The following RNF6 variants were observed in gnomAD, a reference collection of about 807,000 sequenced individuals.
RNF6 encodes the protein ring finger protein 6.
RNF6 carries 21 observed loss-of-function variants against 50.1 expected under a neutral mutation model. The observed-to-expected ratio is 0.42, with a 90% CI of 0.30 to 0.60. The LOEUF is 0.60. Ranked by LOEUF, RNF6 falls within the 20% of genes least tolerant of loss-of-function variation. RNF6 has a pLI of 0.20. For missense variants in RNF6, 698 were observed against 838.2 expected, an observed-to-expected ratio of 0.83 and a Z score of 2.07; for synonymous variants, 255 against 291.8, an observed-to-expected ratio of 0.87 and a Z score of 1.29.
At chr13:26,152,391 T>A (rs1307468058) in intron 5 of RNF6, among the ~76,000 whole-genome samples, 2 of 152,218 alleles carry the variant, frequency 1.3e-5, no homozygotes, top group African/African-American at 4.8e-5. Flanking sequence ...TTTCTCCTTC[T>A]GTAATGCTTG....
chr13:26,188,623 C>CTGTTTTTT (rs1873665823), intron 5 of RNF6, among the ~76,000 whole-genome samples: 1 of 43,258 alleles, frequency 2.3e-5, no homozygotes, highest in African/African-American at 1.1e-4. Context: ...GTCAAAAGAG[C>CTGTTTTTT]TTTTTTTTTT....
chr13:26,215,679 G>T, intron 4 of RNF6, 87 bp from the exon 5 acceptor site: 1 of 1,162,342 alleles, frequency 8.6e-7, no homozygotes, highest in Non-Finnish European at 1.2e-6. Flanking sequence ...AACAAAGTTT[G>T]TAATAAATTA....
At chr13:26,142,063 G>A (rs1216824830) in intron 5 of RNF6, among the ~76,000 whole-genome samples, 1 of 152,006 alleles carries the variant, frequency 6.6e-6, no homozygotes, top group Non-Finnish European at 1.5e-5. Context: ...TAAAACGTGG[G>A]CTAAGAACAT....
intron 5 of RNF6, among the ~76,000 whole-genome samples, chr13:26,196,170 A>T (rs1868650824): frequency 1.3e-5 from 2 of 152,224 alleles, no homozygotes. Context: ...AGAAAACTGA[A>T]GATAAAATCT....
rs1308630123 is a variant in RNF6 at position 26,214,621 on chromosome 13, T to C, written c.1261A>G (p.Thr421Ala). ...TCTGCTAGCCCTACTCTGGATCGAG[T>C]TCTATTTGCAATACTATCCCGATCT... ...NRDRDSIANR[T>A]RSRVGLAENT... The change falls in exon 5 of 5, where the codon ACT becomes GCT. Residue 421 changes from threonine to alanine, a missense_variant. Thr to Ala is a moderately conservative substitution (Grantham distance 58, BLOSUM62 0). Transcript: ENST00000381588. The C allele has an allele frequency of 1.2e-6, 2 of 1,614,156 alleles. No individual in the cohort carries two copies. The highest frequency in any genetic ancestry group is 1.7e-6 in the Non-Finnish European group (2 of 1,180,028).
chr13:26,178,272 A>G (rs912329715), intron 5 of RNF6, among the ~76,000 whole-genome samples: 7 of 152,210 alleles, frequency 4.6e-5, no homozygotes, highest in Non-Finnish European at 8.8e-5. Flanking sequence ...AAGGCTAAGA[A>G]GCCCATCAAG....
At chr13:26,206,159 C>A (rs955185203) in intron 5 of RNF6, among the ~76,000 whole-genome samples, 8 of 152,316 alleles carry the variant, frequency 5.3e-5, no homozygotes, top group Admixed American at 4.6e-4. Context: ...AGCCCTTTGA[C>A]TGGGGAACCC....
chr13:26,210,872 C>T (rs1355456455), downstream of RNF6, among the ~76,000 whole-genome samples: 3 of 151,990 alleles, frequency 2.0e-5, no homozygotes. Context: ...CTGGCTGAAA[C>T]TAAAAAAATC....
At chr13:26,176,105 C>T (rs534239477) in intron 5 of RNF6, among the ~76,000 whole-genome samples, 9 of 152,170 alleles carry the variant, frequency 5.9e-5, no homozygotes, top group South Asian at 4.2e-4. Context: ...TTGTCTAAGG[C>T]GTGAGGCCTG....
In RNF6 at chr13:26,216,942, A is replaced by G. The variant is rs371611031; in HGVS notation, c.290-1350T>C. Reference sequence around the variant, plus strand: ...TGTACTACAGCCTGGGTGACAGAACAGGACTCTGTCTCAAAAAATAAATAA... The same window carrying G: ...TGTACTACAGCCTGGGTGACAGAACGGGACTCTGTCTCAAAAAATAAATAA... On this transcript the variant is annotated intron_variant, in intron 4 of 4. Transcript: ENST00000381588. 2.0e-5 allele frequency among the ~76,000 whole-genome samples: 3 copies of G among 152,326 alleles called. No homozygotes were observed. In the East Asian group the frequency reaches 5.8e-4, roughly 29 times the overall value.
intron 5 of RNF6, among the ~76,000 whole-genome samples, chr13:26,172,836 C>T (rs1872767452): frequency 6.6e-6 from 1 of 152,068 alleles, no homozygotes; most frequent in South Asian, 2.1e-4. Flanking sequence ...AGCCACCGCA[C>T]CCGGCCTAGA....
chr13:26,221,230 T>C lies in RNF6; in HGVS notation c.-19+18A>G, dbSNP rs538430710. 8 of 152,232 alleles carry C rather than the reference T, an allele frequency of 5.3e-5. No individual in the cohort carries two copies. Among genetic ancestry groups the C allele is most frequent in the Admixed American group, 4.6e-4 (7 of 15,286 alleles). The allele number at this position is 152,232 out of a possible 1,614,324, so 9.4% of individuals were successfully genotyped here. ...AATTTTCTTATACAGTTAATCACAA[T>C]GAAAACAAAGCGAATACCTTATTTT... is the stretch of plus-strand genomic sequence containing the variant. On this transcript the variant is annotated intron_variant, in intron 2 of 4. Transcript: ENST00000381588.
intron 5 of RNF6, among the ~76,000 whole-genome samples, chr13:26,139,104 C>T (rs576758995): frequency 2.7e-4 from 41 of 152,224 alleles, no homozygotes; most frequent in African/African-American, 9.4e-4. Flanking sequence ...CAGGGCTAGC[C>T]AATGCTTACA....
At chr13:26,138,864 A>G (rs1870785007) in intron 5 of RNF6, among the ~76,000 whole-genome samples, 1 of 152,182 alleles carries the variant, frequency 6.6e-6, no homozygotes, top group Non-Finnish European at 1.5e-5. Context: ...TCATTTTTCT[A>G]ATCTTGTGCC....
chr13:26,212,506 G>C (rs1002021235), downstream of RNF6, among the ~76,000 whole-genome samples: 5 of 152,084 alleles, frequency 3.3e-5, no homozygotes, highest in Non-Finnish European at 5.9e-5. Flanking sequence ...CCTAAGTACT[G>C]TTCTTGTGAT....
Position 26,214,584 on chromosome 13 carries a change from G to C in RNF6, c.1298C>G (p.Thr433Ser). 1 of 1,614,200 alleles carries C rather than the reference G, an allele frequency of 6.2e-7. No homozygotes were observed. The highest frequency in any genetic ancestry group is 8.5e-7 in the Non-Finnish European group (1 of 1,180,038). The change falls in exon 5 of 5, where the codon ACT (threonine) becomes AGT (serine). Residue 433 changes from threonine to serine, a missense_variant. Physicochemically the swap from Thr to Ser is moderately conservative, Grantham distance 58. Transcript: ENST00000381588. Reference protein sequence around the residue: ...SRVGLAENTVTIESNSGGFRR... With the variant: ...SRVGLAENTVSIESNSGGFRR... ...AAAGCCCCCACTATTGCTTTCAATA[G>C]TGACTGTATTTTCTGCTAGCCCTAC...
At chr13:26,209,784 G>GATATATATATAT (rs1165114430), downstream of RNF6, among the ~76,000 whole-genome samples, 5 of 145,560 alleles carry the variant, frequency 3.4e-5, no homozygotes, top group Admixed American at 1.4e-4. Context: ...GAGAAGATGT[G>GATATATATATAT]AGATATATAT....
At chr13:26,221,493 A>C (rs542026154) in intron 1 of RNF6, 163 bp from the exon 2 acceptor site, 1 of 152,294 alleles carries the variant, frequency 6.6e-6, no homozygotes, top group African/African-American at 2.4e-5. Context: ...AGGTCACGAA[A>C]ACCTCCCGCA....
chr13:26,187,674 C>G (rs998817962), intron 5 of RNF6, among the ~76,000 whole-genome samples: 1 of 152,200 alleles, frequency 6.6e-6, no homozygotes, highest in African/African-American at 2.4e-5. Context: ...AAATGCAGAT[C>G]TCTTGGACTC....
Sources: allele counts gnomAD v4.1 joint callset (sites outside exome capture counted in the v4.1 genomes callset), GRCh38; gene constraint gnomAD v4.1.1; transcripts MANE v1.5; gene names NCBI Gene and HGNC (gene_info 2026-07-23, HGNC 2026-07-21).